Variants in ADD3 observed in about 807,000 individuals in gnomAD.
The protein encoded by ADD3 is gamma-adducin.
A neutral mutation model predicts 80.2 loss-of-function variants in ADD3; 25 were observed. The ratio of observed to expected loss-of-function variants is 0.31; its 90% CI spans 0.23 to 0.44. ADD3 has a LOEUF of 0.44. ADD3 is among the 20% of genes least tolerant of loss of function. The probability of loss-of-function intolerance (pLI) is 1.00; values close to 1 mark genes in which losing one functional copy is unlikely to be tolerated. For missense variants in ADD3, 829 were observed against 847.5 expected (o/e 0.98, Z 0.27); for synonymous variants, 284 against 289.6 (o/e 0.98, Z 0.20).
Position 110,117,370 on chromosome 10 carries a change from T to G in ADD3, c.515T>G (p.Ile172Ser). The G allele has an allele frequency of 2.5e-6, 4 of 1,604,102 alleles. No individual in the cohort carries two copies. The highest frequency in any genetic ancestry group is 1.1e-5 in the South Asian group (1 of 90,828). The change falls in exon 5 of 15, where the codon ATT becomes AGT. Residue 172 changes from isoleucine (I) to serine (S), a missense_variant. Ile to Ser is a moderately radical substitution (Grantham distance 142). Coordinates refer to ENST00000356080, the MANE Select transcript of ADD3 (RefSeq NM_016824.5). Reference protein sequence around the residue: ...SVRISKEQDHIIIIPRGLSFS... With the variant: ...SVRISKEQDHSIIIPRGLSFS... ...AGAATAAGTAAGGAGCAAGACCACA[T>G]TATAATAATTCCCAGAGGCCTATCT...
intron 12 of ADD3, among the ~76,000 whole-genome samples, chr10:110,128,248 T>A (rs1852444778): frequency 6.6e-6 from 1 of 151,908 alleles, no homozygotes; most frequent in East Asian, 1.9e-4. Context: ...CCATTTCTTT[T>A]TCTGTCAGTA....
chr10:110,097,839 A>G (rs766020349), intron 1 of ADD3, among the ~76,000 whole-genome samples: 23 of 144,486 alleles, frequency 1.6e-4, no homozygotes, highest in Non-Finnish European at 3.1e-4. Flanking sequence ...CAGTGGTGTG[A>G]TCTCGGCTCA....
chr10:110,007,400 G>C (rs116042499), upstream of ADD3, among the ~76,000 whole-genome samples: 3 of 152,214 alleles, frequency 2.0e-5, no homozygotes, highest in African/African-American at 7.2e-5. Context: ...TTGAACCTTT[G>C]CAGTGGCCTC....
chr10:110,014,496 C>T (rs778846594), intron 1 of ADD3, among the ~76,000 whole-genome samples: 2 of 152,134 alleles, frequency 1.3e-5, no homozygotes, highest in African/African-American at 4.8e-5. Flanking sequence ...CAGTGTACCT[C>T]TTACCTTGCC....
At chr10:110,066,994 C>G (rs1340581197) in intron 1 of ADD3, among the ~76,000 whole-genome samples, 1 of 152,188 alleles carries the variant, frequency 6.6e-6, no homozygotes, top group Non-Finnish European at 1.5e-5. Flanking sequence ...TTGCTCTGTT[C>G]TGACTGTGTT....
intron 1 of ADD3, among the ~76,000 whole-genome samples, chr10:110,074,253 C>T (rs1168389270): frequency 1.3e-5 from 2 of 152,204 alleles, no homozygotes; most frequent in Admixed American, 1.3e-4. Flanking sequence ...AACTTTGTGA[C>T]TTCGGGATTC....
chr10:110,064,714 AACAAT>A (rs1249493696), intron 1 of ADD3, among the ~76,000 whole-genome samples: 5 of 152,192 alleles, frequency 3.3e-5, no homozygotes, highest in African/African-American at 1.2e-4. Flanking sequence ...CCTTTTTCTG[AACAAT>A]ACAAGGATCT....
intron 10 of ADD3, among the ~76,000 whole-genome samples, 193 bp downstream of exon 10, chr10:110,124,467 A>AT (rs1479978623): frequency 6.6e-6 from 1 of 152,168 alleles, no homozygotes; most frequent in Non-Finnish European, 1.5e-5. Context: ...AACTCTCCTA[A>AT]TATGAATGAT....
intron 1 of ADD3, among the ~76,000 whole-genome samples, chr10:110,066,321 C>T (rs1202734136): frequency 2.0e-5 from 3 of 152,166 alleles, no homozygotes; most frequent in East Asian, 3.9e-4. Context: ...CTCACTGCAA[C>T]GTCTGCCTCC....
At chr10:110,019,177 C>G (rs928680577) in intron 1 of ADD3, among the ~76,000 whole-genome samples, 4 of 152,006 alleles carry the variant, frequency 2.6e-5, no homozygotes, top group African/African-American at 9.7e-5. Flanking sequence ...GGAGTTGATA[C>G]GAGATATGAC....
chr10:110,086,881 G>C lies in ADD3; in HGVS notation c.-29-13744G>C, dbSNP rs11194977. 2.1e-3 allele frequency among the ~76,000 whole-genome samples: 327 copies of C among 152,282 alleles called. 3 individuals are homozygous for C. Among genetic ancestry groups the C allele is most frequent in the African/African-American group, 7.3e-3 (303 of 41,548 alleles). Reference sequence around the variant, plus strand: ...TGAGAGATACTAAACTAGTTTCTTAGGGTTTCCCATAATCCAAGGGTCCCA... The same window carrying C: ...TGAGAGATACTAAACTAGTTTCTTACGGTTTCCCATAATCCAAGGGTCCCA... On this transcript the variant is annotated intron_variant, in intron 1 of 14. Coordinates refer to ENST00000356080, the MANE Select transcript of ADD3 (RefSeq NM_016824.5).
chr10:110,047,331 T>C (rs1439751719), intron 1 of ADD3, among the ~76,000 whole-genome samples: 1 of 152,216 alleles, frequency 6.6e-6, no homozygotes, highest in Admixed American at 6.5e-5. Flanking sequence ...TTACATAATG[T>C]ACTTATAGTT....
chr10:110,112,655 T>G, intron 2 of ADD3, 122 bp from the exon 3 acceptor site: 1 of 1,165,366 alleles, frequency 8.6e-7, no homozygotes, highest in Non-Finnish European at 1.2e-6. Flanking sequence ...TATATTTGTT[T>G]TTAAATAGTA....
At chr10:110,042,206 A>G (rs74154966) in intron 1 of ADD3, among the ~76,000 whole-genome samples, 1 of 152,368 alleles carries the variant, frequency 6.6e-6, no homozygotes, top group African/African-American at 2.4e-5. Flanking sequence ...ACAGCCACCT[A>G]TTCTGTGGAT....
At chr10:110,095,841 A>G (rs780812124) in intron 1 of ADD3, among the ~76,000 whole-genome samples, 1 of 152,212 alleles carries the variant, frequency 6.6e-6, no homozygotes, top group Non-Finnish European at 1.5e-5. Context: ...ATTGAGTGAA[A>G]AAAGCCAATC....
intron 1 of ADD3, among the ~76,000 whole-genome samples, chr10:110,009,929 T>G (rs1249249628): frequency 6.6e-6 from 1 of 152,242 alleles, no homozygotes; most frequent in Non-Finnish European, 1.5e-5. Context: ...ACATTTGACA[T>G]AGTTGATCAT....
intron 1 of ADD3, among the ~76,000 whole-genome samples, chr10:110,094,749 G>T (rs546869736): frequency 6.6e-6 from 1 of 152,252 alleles, no homozygotes; most frequent in South Asian, 2.1e-4. Flanking sequence ...AGTTTGTGTA[G>T]GGTCTAAGTT....
In ADD3 at chr10:110,133,335, A is replaced by C; in HGVS notation, c.1838A>C (p.Glu613Ala). 6.3e-7 allele frequency: 1 copy of C among 1,580,024 alleles called. No individual in the cohort carries two copies. Among genetic ancestry groups the C allele is most frequent in the Non-Finnish European group, 8.6e-7 (1 of 1,156,188 alleles). Residue 613 changes from glutamate to alanine, a missense_variant, in exon 15 of 15, where the codon GAG (glutamate) becomes GCG (alanine). Coordinates refer to ENST00000356080, the MANE Select transcript of ADD3 (RefSeq NM_016824.5). ...NVPEKLEENH[E>A]LFSKSFISME... is the part of the protein sequence containing the mutation. ...CCCTCCCCTTTCGTAGAAAACCATG[A>C]GCTGTTTTCCAAGAGCTTCATCTCC... is the stretch of plus-strand genomic sequence containing the variant.
At chr10:110,072,976 T>C (rs1456868978) in intron 1 of ADD3, among the ~76,000 whole-genome samples, 1 of 152,114 alleles carries the variant, frequency 6.6e-6, no homozygotes, top group Non-Finnish European at 1.5e-5. Flanking sequence ...CTCCCTCAGC[T>C]GAATCCCACA....
Sources: gnomAD v4.1 joint callset for allele counts (sites outside exome capture counted in the v4.1 genomes callset) on GRCh38, gnomAD v4.1.1 for gene constraint, MANE v1.5 for transcripts, NCBI Gene and HGNC (gene_info 2026-07-23, HGNC 2026-07-21) for gene names.